MYH13: variants seen among roughly 807,000 people sequenced by gnomAD.
MYH13 encodes the protein myosin heavy chain 13.
In MYH13, 177 loss-of-function variants were observed where a neutral mutation model predicts 232.1. That is an observed-to-expected ratio of 0.76 (90% CI 0.67 to 0.86). The LOEUF (loss-of-function observed/expected upper bound fraction) is 0.86. MYH13 is among the 40% of genes least tolerant of loss of function. MYH13 has a pLI of 0.00. For missense variants in MYH13, 2,246 were observed against 2,405.9 expected (o/e 0.93, Z 1.39); for synonymous variants, 884 against 923.5 (o/e 0.96, Z 0.78).
chr17:10,328,011 G>C lies in MYH13; in HGVS notation c.2546C>G (p.Ala849Gly). The C allele has an allele frequency of 6.2e-7, 1 of 1,614,114 alleles. No individual in the cohort carries two copies. Among genetic ancestry groups the C allele is most frequent in the Non-Finnish European group, 8.5e-7 (1 of 1,180,020 alleles). ...KIKPLLKSAEAEKEMATMKED... is the reference protein window; with the variant it reads ...KIKPLLKSAEGEKEMATMKED... ...CTTCATGGTGGCCATCTCCTTCTCG[G>C]CCTCTGCACTCTTCAGCAGGGGCTT... is the stretch of plus-strand genomic sequence containing the variant. Residue 849 changes from alanine (A) to glycine (G), a missense_variant, in exon 22 of 41, where the codon GCC (alanine) becomes GGC (glycine). Coordinates refer to ENST00000252172, the MANE Select transcript of MYH13 (RefSeq NM_003802.3).
chr17:10,311,231 C>G lies in MYH13; in HGVS notation c.4532-4G>C, dbSNP rs755942367. 1.2e-6 allele frequency: 2 copies of G among 1,613,944 alleles called. No individual in the cohort carries two copies. Among genetic ancestry groups the G allele is most frequent in the Non-Finnish European group, 1.7e-6 (2 of 1,179,884 alleles). Reference sequence around the variant, plus strand: ...TCAGTTAAGTCGGAAATCTCTTCTGCAAAGGACAGGCTTGATTTAGGCTGT... The same window carrying G: ...TCAGTTAAGTCGGAAATCTCTTCTGGAAAGGACAGGCTTGATTTAGGCTGT... On this transcript the variant is annotated splice_polypyrimidine_tract_variant and splice_region_variant and intron_variant, in intron 32 of 40. Transcript: ENST00000252172.
intron 2 of MYH13, among the ~76,000 whole-genome samples, chr17:10,368,516 C>G (rs1161401853): frequency 6.6e-6 from 1 of 152,200 alleles, no homozygotes; most frequent in African/African-American, 2.4e-5. Context: ...CCCATTTCAT[C>G]ACATAAAATT....
chr17:10,332,199 G>C lies in MYH13; in HGVS notation c.2198C>G (p.Ala733Gly). Residue 733 changes from alanine to glycine, a missense_variant, in exon 20 of 41, where the codon GCT (alanine) becomes GGT (glycine). By Grantham distance (60) the Ala-to-Gly change is moderately conservative. Transcript: ENST00000252172. The part of the protein sequence containing the change: ...KQRYRILNAS[A>G]IPEGQFIDSK... ...GTCAATGAACTGCCCTTCAGGGATA[G>C]CACTGGCATTGAGGATCCGGTACCT... The C allele has an allele frequency of 6.2e-7, 1 of 1,613,984 alleles. No homozygotes were observed. Among genetic ancestry groups the C allele is most frequent in the Non-Finnish European group, 8.5e-7 (1 of 1,179,870 alleles).
chr17:10,308,576 A>G (rs994458254), intron 35 of MYH13, among the ~76,000 whole-genome samples: 1 of 151,672 alleles, frequency 6.6e-6, no homozygotes, highest in Non-Finnish European at 1.5e-5. Flanking sequence ...ATAATTCACA[A>G]TGGGCCTAAG....
Position 10,321,588 on chromosome 17 carries a change from C to G in MYH13, c.3055G>C (p.Asp1019His), listed in dbSNP as rs760744083. Residue 1019 changes from aspartate to histidine, a missense_variant, in exon 24 of 41, where the codon GAT becomes CAT. Transcript: ENST00000252172. ...QTLDDLQVEE[D>H]KVNGLIKINA... The stretch of plus-strand genomic sequence containing the variant: ...ATTTTGATTAGACCATTGACTTTAT[C>G]TTCTTCCACCTGAAGATCATCCAGT... 8.1e-6 allele frequency: 13 copies of G among 1,613,754 alleles called. No individual in the cohort carries two copies. The highest frequency in any genetic ancestry group is 1.0e-5 in the Non-Finnish European group (12 of 1,179,838).
Position 10,324,178 on chromosome 17 carries a change from CA to C in MYH13, c.2777del (p.Leu926ArgfsTer11). On this transcript the variant is annotated frameshift_variant, in exon 23 of 41. Transcript: ENST00000252172. LOFTEE classifies it high-confidence loss of function. ...KILLEAKVKE[L>X]TERLEEEEEM... ...CCTCTTCCTCTTCCAATCTCTCCGT[CA>C]GCTCCTTGACTTTTGCTTCCAGTAG... 6.2e-7 allele frequency: 1 copy of C among 1,613,994 alleles called. No homozygotes were observed. Among genetic ancestry groups the C allele is most frequent in the Non-Finnish European group, 8.5e-7 (1 of 1,179,898 alleles).
chr17:10,332,741 TGAGTA>T (rs1251532148), intron 19 of MYH13, among the ~76,000 whole-genome samples: 2 of 152,236 alleles, frequency 1.3e-5, no homozygotes, highest in East Asian at 3.9e-4. Flanking sequence ...CCACATCTCT[TGAGTA>T]GAGGGCAGGG....
At chr17:10,362,623 T>C in intron 3 of MYH13, 120 bp from the exon 4 acceptor site, 3 of 1,319,820 alleles carry the variant, frequency 2.3e-6, no homozygotes, top group Admixed American at 1.8e-5. Context: ...TGATGGATAA[T>C]TTCATGGATC....
At chr17:10,344,321 G>T (rs1249945859) in intron 15 of MYH13, among the ~76,000 whole-genome samples, 2 of 152,098 alleles carry the variant, frequency 1.3e-5, no homozygotes, top group Non-Finnish European at 2.9e-5. Context: ...CTGAACAAAA[G>T]AATATAGGAT....
Position 10,303,398 on chromosome 17 carries a change from T to A in MYH13, c.5567A>T (p.Tyr1856Phe), listed in dbSNP as rs752555483. ...KYERKVKEMT[Y>F]QAEEDHKNIL... ...GGAGGTTTTTGGGACCCCTACCTGG[T>A]AAGTCATCTCCTTGACTTTGCGTTC... Residue 1856 changes from tyrosine to phenylalanine, a missense_variant, in exon 38 of 41, where the codon TAC becomes TTC. Physicochemically the swap from Tyr to Phe is conservative, Grantham distance 22. Coordinates refer to ENST00000252172, the MANE Select transcript of MYH13 (RefSeq NM_003802.3). 9 of 1,613,698 alleles carry A rather than the reference T, an allele frequency of 5.6e-6. No individual in the cohort carries two copies. In the African/African-American group the frequency reaches 1.1e-4, roughly 19 times the overall value.
chr17:10,343,068 G>A (rs2071630972), intron 16 of MYH13, among the ~76,000 whole-genome samples: 1 of 136,596 alleles, frequency 7.3e-6, no homozygotes, highest in East Asian at 2.1e-4. Context: ...CCAGCCTGGA[G>A]AAAGAGCAAG....
chr17:10,346,498 G>A (rs570397203), intron 13 of MYH13, among the ~76,000 whole-genome samples, 182 bp downstream of exon 13: 4 of 152,272 alleles, frequency 2.6e-5, no homozygotes, highest in South Asian at 2.1e-4. Context: ...TCCTCATGGC[G>A]TCCAATGGGC....
At chr17:10,349,597 GC>G (rs918180209) in intron 12 of MYH13, among the ~76,000 whole-genome samples, 4 of 152,000 alleles carry the variant, frequency 2.6e-5, no homozygotes, top group Non-Finnish European at 5.9e-5. Flanking sequence ...CCCAAGGTGT[GC>G]CCCCTGGTGT....
At chr17:10,321,793 T>C in intron 23 of MYH13, 85 bp from the exon 24 acceptor site, 1 of 1,276,058 alleles carries the variant, frequency 7.8e-7, no homozygotes, top group South Asian at 1.5e-5. Context: ...CTTTGCTCAT[T>C]TTTCCTTTTT....
chr17:10,324,351 C>G, intron 22 of MYH13, 87 bp from the exon 23 acceptor site: 1 of 1,527,584 alleles, frequency 6.5e-7, no homozygotes, highest in Non-Finnish European at 8.9e-7. Flanking sequence ...AGCTTATTAT[C>G]TACACCTAAG....
At chr17:10,345,810 T>C (rs1237802974) in intron 13 of MYH13, among the ~76,000 whole-genome samples, 194 bp from the exon 14 acceptor site, 2 of 151,958 alleles carry the variant, frequency 1.3e-5, no homozygotes, top group Admixed American at 6.6e-5. Flanking sequence ...CTGGCCAACA[T>C]GGTGAAACCC....
chr17:10,318,667 A>G, intron 27 of MYH13, 123 bp downstream of exon 27: 3 of 1,295,676 alleles, frequency 2.3e-6, no homozygotes, highest in Non-Finnish European at 3.2e-6. Context: ...ACAGGCAGAA[A>G]TAGGGAAGAG....
At position 10,306,387 on chromosome 17, in the gene MYH13, A is replaced by G; in HGVS notation, c.5466+72T>C. 2 of 1,591,564 alleles carry G rather than the reference A, an allele frequency of 1.3e-6. No individual in the cohort carries two copies. The highest frequency in any genetic ancestry group is 1.7e-6 in the Non-Finnish European group (2 of 1,166,912). ...ATTCATTCAGTGGCCTTTTCCCACC[A>G]TCTCAGTTTCTGGACTGTGGTTCTG... On this transcript the variant is annotated intron_variant, in intron 37 of 40. Transcript: ENST00000252172. The surrounding 1 kb of genome is among the most constrained non-coding windows in gnomAD (Gnocchi z 4.3).
chr17:10,337,233 C>A (rs2071582360), intron 18 of MYH13, among the ~76,000 whole-genome samples: 1 of 152,088 alleles, frequency 6.6e-6, no homozygotes, highest in Admixed American at 6.6e-5. Context: ...TTAATGGTAA[C>A]CATCTTCTGG....
Sources: allele counts gnomAD v4.1 joint callset (sites outside exome capture counted in the v4.1 genomes callset), GRCh38; gene constraint gnomAD v4.1.1; non-coding constraint Gnocchi (gnomAD v3.1); transcripts MANE v1.5; gene names NCBI Gene and HGNC (gene_info 2026-07-23, HGNC 2026-07-21).